MOBP: variants seen among roughly 807,000 people sequenced by gnomAD.
MOBP encodes myelin-associated oligodendrocyte basic protein.
A neutral mutation model predicts 15.0 loss-of-function variants in MOBP; 5 were observed. The observed-to-expected ratio is 0.33, with a 90% CI of 0.17 to 0.70. MOBP has a LOEUF of 0.70. Ranked by LOEUF, MOBP falls within the 30% of genes least tolerant of loss-of-function variation. The pLI, the probability that MOBP is intolerant of heterozygous loss-of-function variation, is 0.67. For synonymous variants in MOBP, 88 were observed against 99.0 expected (o/e 0.89, Z 0.66); for missense variants, 188 against 257.8 (o/e 0.73, Z 1.85).
downstream of MOBP, among the ~76,000 whole-genome samples, chr3:39,504,307 G>C (rs905166036): frequency 6.6e-6 from 1 of 152,228 alleles, no homozygotes; most frequent in African/African-American, 2.4e-5. Flanking sequence ...TGAAACAGAG[G>C]AAATTAATTG....
At chr3:39,523,785 G>A (rs2043298028) in intron 3 of MOBP, among the ~76,000 whole-genome samples, 1 of 152,090 alleles carries the variant, frequency 6.6e-6, no homozygotes, top group Admixed American at 6.6e-5. Flanking sequence ...CTGCAATCTT[G>A]GAAAAGACAT....
chr3:39,512,405 T>A (rs1278294856), intron 4 of MOBP, among the ~76,000 whole-genome samples: 1 of 152,148 alleles, frequency 6.6e-6, no homozygotes, highest in African/African-American at 2.4e-5. Flanking sequence ...ATCCAGAAAG[T>A]GTAAAGAGAT....
chr3:39,502,848 G>GGAC lies in MOBP; in HGVS notation c.521_522insACG (p.Gly174_Ser175insArg), dbSNP rs956210241. 89 of 1,473,654 alleles carry GGAC rather than the reference G, an allele frequency of 6.0e-5. No individual in the cohort carries two copies. The highest frequency in any genetic ancestry group is 7.5e-5 in the Non-Finnish European group (82 of 1,099,860). 91.3% of individuals were successfully genotyped at this position (1,473,654 alleles called of 1,614,324 possible). On this transcript the variant is annotated inframe_insertion, in exon 4 of 4. Transcript: ENST00000684792. The surrounding 1 kb of genome is among the most constrained non-coding windows in gnomAD (Gnocchi z 6.3). ...CAGAGGGCCAGGCGCCAGCCGTGGGGGGTCCCCCGTCAAAGCTTCTAGGTT... is the reference window on the plus strand; with the variant it reads ...CAGAGGGCCAGGCGCCAGCCGTGGGGGACGGTCCCCCGTCAAAGCTTCTAGGTT...
chr3:39,499,269 C>A (rs965013977), intron 2 of MOBP, among the ~76,000 whole-genome samples: 2 of 152,160 alleles, frequency 1.3e-5, no homozygotes, highest in Non-Finnish European at 2.9e-5. Flanking sequence ...AAGGGCTTAG[C>A]AGACGTTTAG....
downstream of MOBP, chr3:39,525,305 G>C (rs1054228224): frequency 6.6e-6 from 1 of 152,172 alleles, no homozygotes; most frequent in Non-Finnish European, 1.5e-5. Context: ...GTTCAGTTTT[G>C]GATCTGGGCT....
intron 2 of MOBP, among the ~76,000 whole-genome samples, chr3:39,482,606 C>T (rs1057183828): frequency 6.9e-6 from 1 of 145,964 alleles, no homozygotes; most frequent in Non-Finnish European, 1.5e-5. Context: ...GAGCAGAGAT[C>T]GCGCCACTGC....
chr3:39,493,161 A>C (rs2042825717), intron 2 of MOBP, among the ~76,000 whole-genome samples: 1 of 152,166 alleles, frequency 6.6e-6, no homozygotes, highest in African/African-American at 2.4e-5. Context: ...GAAAGGAGGA[A>C]GGGTGGGAAG....
intron 2 of MOBP, among the ~76,000 whole-genome samples, chr3:39,496,030 A>AT (rs1334630315): frequency 2.0e-5 from 3 of 151,904 alleles, no homozygotes; most frequent in South Asian, 2.1e-4. Flanking sequence ...AAAGTGAATG[A>AT]TTTTTTCAAT....
intron 4 of MOBP, among the ~76,000 whole-genome samples, chr3:39,512,435 G>C (rs1460081231): frequency 2.0e-5 from 3 of 152,054 alleles, no homozygotes; most frequent in Non-Finnish European, 4.4e-5. Flanking sequence ...AAATTTCAAG[G>C]GATGTGTTCC....
At chr3:39,474,399 G>A (rs2042513834) in intron 1 of MOBP, among the ~76,000 whole-genome samples, 1 of 152,170 alleles carries the variant, frequency 6.6e-6, no homozygotes. Flanking sequence ...GATATTAGAC[G>A]ATTTAGTCAT....
chr3:39,474,443 C>T (rs2042514662), intron 1 of MOBP, among the ~76,000 whole-genome samples: 1 of 152,146 alleles, frequency 6.6e-6, no homozygotes, highest in Non-Finnish European at 1.5e-5. Flanking sequence ...TTACACAAAC[C>T]TAGATGGTAC....
At chr3:39,482,009 T>C (rs143438926) in intron 2 of MOBP, among the ~76,000 whole-genome samples, 110 of 152,302 alleles carry the variant, frequency 7.2e-4, no homozygotes, top group African/African-American at 2.6e-3. Context: ...TCAAATTCTA[T>C]CTCGAGCCAA....
chr3:39,474,457 C>A (rs116795978), intron 1 of MOBP, among the ~76,000 whole-genome samples: 2 of 152,150 alleles, frequency 1.3e-5, no homozygotes, highest in Admixed American at 1.3e-4. Flanking sequence ...ATGGTACAGG[C>A]TACTTAATAC....
downstream of MOBP, among the ~76,000 whole-genome samples, chr3:39,506,155 C>T (rs2043045482): frequency 6.6e-6 from 1 of 152,126 alleles, no homozygotes; most frequent in Non-Finnish European, 1.5e-5. Flanking sequence ...TATCTTGTCT[C>T]TTTCTCATTA....
chr3:39,502,470 C>T lies in MOBP; in HGVS notation c.207-65C>T. The T allele has an allele frequency of 6.5e-7, 1 of 1,537,838 alleles. No homozygotes were observed. Among genetic ancestry groups the T allele is most frequent in the Non-Finnish European group, 8.7e-7 (1 of 1,148,296 alleles). On this transcript the variant is annotated intron_variant, in intron 3 of 3. Coordinates refer to ENST00000684792, the MANE Select transcript of MOBP (RefSeq NM_001393704.1). The surrounding 1 kb of genome is among the most constrained non-coding windows in gnomAD (Gnocchi z 6.3). Reference sequence around the variant, plus strand: ...CTTCCTACCTGTTTCCAGCTCCTGCCAGCGTCGCTTAAGCAGCAGAGGAGA... The same window carrying T: ...CTTCCTACCTGTTTCCAGCTCCTGCTAGCGTCGCTTAAGCAGCAGAGGAGA...
At chr3:39,513,551 A>G in exon 5 of MOBP, 1 of 936,824 alleles carries the variant, frequency 1.1e-6, no homozygotes, top group Non-Finnish European at 1.6e-6. Flanking sequence ...TGATGTGGCA[A>G]CTGCTGATGC....
At chr3:39,494,094 A>G (rs1345192450) in intron 2 of MOBP, among the ~76,000 whole-genome samples, 1 of 152,228 alleles carries the variant, frequency 6.6e-6, no homozygotes, top group Non-Finnish European at 1.5e-5. Flanking sequence ...AGCACTGCCA[A>G]ACAAAATCAA....
At chr3:39,503,145 A>G, downstream of MOBP, 2 of 450,968 alleles carry the variant, frequency 4.4e-6, no homozygotes, top group Middle Eastern at 5.5e-4. Context: ...AATTGAGATT[A>G]TTGACCATGG....
downstream of MOBP, among the ~76,000 whole-genome samples, chr3:39,520,589 A>G (rs1408861259): frequency 6.6e-6 from 1 of 151,806 alleles, no homozygotes; most frequent in Non-Finnish European, 1.5e-5. Context: ...AGAGAGAGAG[A>G]GAGAGACAGA....
Sources: allele counts gnomAD v4.1 joint callset (sites outside exome capture counted in the v4.1 genomes callset), GRCh38; gene constraint gnomAD v4.1.1; non-coding constraint Gnocchi (gnomAD v3.1); transcripts MANE v1.5; gene names NCBI Gene and HGNC (gene_info 2026-07-23, HGNC 2026-07-21).